RFWD3: variants seen among roughly 807,000 people sequenced by gnomAD.
RFWD3 encodes E3 ubiquitin-protein ligase RFWD3.
A neutral mutation model predicts 87.7 loss-of-function variants in RFWD3; 65 were observed. The observed-to-expected ratio is 0.74, with a 90% confidence interval of 0.61 to 0.91. The LOEUF (loss-of-function observed/expected upper bound fraction) is 0.91, where lower values mean the gene tolerates loss of function less well. RFWD3 is among the 40% of genes least tolerant of loss of function. The pLI is 0.00. For synonymous variants in RFWD3, 433 were observed against 352.8 expected (o/e 1.23, Z -2.55); for missense variants, 1,078 against 938.5 (o/e 1.15, Z -1.94).
chr16:74,623,874 C>A lies in RFWD3; in HGVS notation c.*54G>T. On this transcript the variant is annotated 3_prime_UTR_variant, in exon 13 of 13. Coordinates refer to ENST00000361070, the MANE Select transcript of RFWD3 (RefSeq NM_018124.4). ...AGGGATCTTGCTTGGGGCTGCTAGG[C>A]GCTAGCAAACAACATCTAACCAGCA... 6.3e-7 allele frequency: 1 copy of A among 1,575,476 alleles called. No individual in the cohort carries two copies. Among genetic ancestry groups the A allele is most frequent in the Non-Finnish European group, 8.7e-7 (1 of 1,149,016 alleles).
chr16:74,637,570 T>A (rs559731172), intron 7 of RFWD3, among the ~76,000 whole-genome samples: 1 of 151,958 alleles, frequency 6.6e-6, no homozygotes, highest in South Asian at 2.1e-4. Context: ...GAGACAGAGG[T>A]TGCAGTGAGC....
chr16:74,632,950 A>T (rs576488568), intron 8 of RFWD3, among the ~76,000 whole-genome samples: 47 of 152,162 alleles, frequency 3.1e-4, no homozygotes, highest in African/African-American at 1.1e-3. Context: ...TACAGGCATG[A>T]GCCACCACAC....
At chr16:74,658,737 T>C (rs1961192839) in intron 2 of RFWD3, among the ~76,000 whole-genome samples, 1 of 152,052 alleles carries the variant, frequency 6.6e-6, no homozygotes, top group Non-Finnish European at 1.5e-5. Context: ...TTAAATTCTG[T>C]ATAACTCATT....
chr16:74,630,133 T>C (rs1397348957), intron 10 of RFWD3, among the ~76,000 whole-genome samples: 1 of 152,148 alleles, frequency 6.6e-6, no homozygotes, highest in African/African-American at 2.4e-5. Flanking sequence ...TCTCACTCTG[T>C]TGCCCAGACT....
chr16:74,626,203 T>C (rs1567564492), intron 12 of RFWD3, 140 bp downstream of exon 12: 1 of 716,258 alleles, frequency 1.4e-6, no homozygotes, highest in Non-Finnish European at 2.4e-6. Context: ...CATACACACA[T>C]ATGCGGATAT....
chr16:74,659,520 G>A (rs1352619582), intron 2 of RFWD3, among the ~76,000 whole-genome samples: 4 of 152,086 alleles, frequency 2.6e-5, no homozygotes, highest in Admixed American at 2.6e-4. Context: ...GCTTGAACCC[G>A]GGAGCCAGAG....
intron 11 of RFWD3, among the ~76,000 whole-genome samples, chr16:74,627,178 T>G (rs766322583): frequency 6.6e-6 from 1 of 151,992 alleles, no homozygotes; most frequent in South Asian, 2.1e-4. Flanking sequence ...AAAACATGAG[T>G]AGACCCACCC....
intron 4 of RFWD3, among the ~76,000 whole-genome samples, chr16:74,647,621 G>A (rs187253398): frequency 1.3e-5 from 2 of 151,752 alleles, no homozygotes; most frequent in East Asian, 1.9e-4. Context: ...AGATGAAGTC[G>A]TGCTCCGTCT....
In RFWD3 at chr16:74,629,537, T is replaced by C. The variant is rs1411820507; in HGVS notation, c.1755-871A>G. ...AGTCAGGTGTGGTGGCACACGCGTA[T>C]AGTCCCAGCTACTCGGGAGGTGGAG... is the stretch of plus-strand genomic sequence containing the variant. On this transcript the variant is annotated intron_variant, in intron 10 of 12. Transcript: ENST00000361070. Among the ~76,000 whole-genome samples, 4 of 152,090 alleles carry C rather than the reference T, an allele frequency of 2.6e-5. No homozygotes were observed. The East Asian group carries it at 7.7e-4, about 29-fold the overall frequency.
intron 4 of RFWD3, among the ~76,000 whole-genome samples, chr16:74,645,697 C>G (rs1415729018): frequency 6.8e-6 from 1 of 146,750 alleles, no homozygotes; most frequent in Non-Finnish European, 1.5e-5. Context: ...TGTGGTCTGT[C>G]ATAGACTGAA....
At chr16:74,626,588 G>A (rs977369362) in intron 11 of RFWD3, 34 bp from the exon 12 acceptor site, 1 of 1,569,674 alleles carries the variant, frequency 6.4e-7, no homozygotes, top group African/African-American at 1.4e-5. Flanking sequence ...TGCACCATGG[G>A]GACGCTACAC....
chr16:74,628,789 C>T, intron 10 of RFWD3, 123 bp from the exon 11 acceptor site: 1 of 721,042 alleles, frequency 1.4e-6, no homozygotes, highest in South Asian at 1.7e-5. Context: ...TAGTCACTAT[C>T]CTCTGATATC....
chr16:74,641,945 A>G (rs1378675276), intron 6 of RFWD3, among the ~76,000 whole-genome samples: 1 of 150,946 alleles, frequency 6.6e-6, no homozygotes, highest in Non-Finnish European at 1.5e-5. Context: ...AAAAAAAAAA[A>G]AAAAAAAAAC....
At chr16:74,662,593 C>T (rs896577038) in intron 1 of RFWD3, among the ~76,000 whole-genome samples, 3 of 152,120 alleles carry the variant, frequency 2.0e-5, no homozygotes, top group African/African-American at 7.2e-5. Flanking sequence ...TGGGCTGAGG[C>T]ATGAAGGATT....
chr16:74,637,995 G>C, intron 6 of RFWD3, 25 bp from the exon 7 acceptor site: 1 of 1,535,858 alleles, frequency 6.5e-7, no homozygotes, highest in Non-Finnish European at 9.0e-7. Flanking sequence ...CCAGCAACAA[G>C]TGGGGATTAG....
intron 2 of RFWD3, among the ~76,000 whole-genome samples, chr16:74,657,693 C>T (rs528184434): frequency 2.6e-5 from 4 of 152,010 alleles, no homozygotes; most frequent in Non-Finnish European, 5.9e-5. Context: ...AGGCTGGTCT[C>T]GAACTCGTGA....
At chr16:74,633,232 G>A (rs1319120267) in intron 8 of RFWD3, among the ~76,000 whole-genome samples, 2 of 141,496 alleles carry the variant, frequency 1.4e-5, no homozygotes, top group Non-Finnish European at 3.0e-5. Context: ...AGACAAGATT[G>A]CACCACTACA....
intron 6 of RFWD3, among the ~76,000 whole-genome samples, chr16:74,639,003 T>G (rs7188581): frequency 6.6e-6 from 1 of 150,558 alleles, no homozygotes; most frequent in Non-Finnish European, 1.5e-5. Flanking sequence ...TTTATGTATC[T>G]AAACATAGAA....
Position 74,659,273 on chromosome 16 carries a change from A to G in RFWD3, c.518+1659T>C, listed in dbSNP as rs1961244522. On this transcript the variant is annotated intron_variant, in intron 2 of 12. Coordinates refer to ENST00000361070, the MANE Select transcript of RFWD3 (RefSeq NM_018124.4). ...GAGGACTTGCAAGAGGCCTCCTGAC[A>G]GTCAGCCAGCTCCTGGAAACACCAC... Among the ~76,000 whole-genome samples the G allele has an allele frequency of 2.0e-5, 3 of 152,196 alleles. No individual in the cohort carries two copies. The South Asian group carries it at 6.2e-4, about 31-fold the overall frequency.
Sources: allele counts gnomAD v4.1 joint callset (sites outside exome capture counted in the v4.1 genomes callset), GRCh38; gene constraint gnomAD v4.1.1; transcripts MANE v1.5; gene names NCBI Gene and HGNC (gene_info 2026-07-23, HGNC 2026-07-21).